Variants in RCSD1 observed in about 807,000 individuals in gnomAD.
The protein encoded by RCSD1 is capZ-interacting protein.
RCSD1 carries 26 observed loss-of-function variants against 42.5 expected under a neutral mutation model. That is an observed-to-expected ratio of 0.61 (90% CI 0.45 to 0.85). RCSD1 has a LOEUF of 0.85. RCSD1 is among the 40% of genes least tolerant of loss of function. The probability of loss-of-function intolerance (pLI) is 0.00; values close to 1 mark genes in which losing one functional copy is unlikely to be tolerated. For missense variants in RCSD1, 571 were observed against 528.3 expected (o/e 1.08, Z -0.79); for synonymous variants, 220 against 212.2 (o/e 1.04, Z -0.32).
At chr1:167,660,967 A>G (rs766086187) in intron 1 of RCSD1, among the ~76,000 whole-genome samples, 17 of 152,226 alleles carry the variant, frequency 1.1e-4, no homozygotes, top group Non-Finnish European at 2.4e-4. Context: ...CTGTAGGGAC[A>G]CTGAATCTTC....
At chr1:167,644,017 TC>T (rs930515990) in intron 1 of RCSD1, among the ~76,000 whole-genome samples, 2 of 152,052 alleles carry the variant, frequency 1.3e-5, no homozygotes, top group Non-Finnish European at 2.9e-5. Flanking sequence ...TCTCTGGGCT[TC>T]TGTAGGAGGC....
In RCSD1 at chr1:167,643,275, G is replaced by A. The variant is rs373593338; in HGVS notation, c.6+12846G>A. ...GTGTCTTCTGTAAGAAAGCACTGGC[G>A]CTCTCTGTGCCTAGTGGAAGGTGGC... On this transcript the variant is annotated intron_variant, in intron 1 of 6. Transcript: ENST00000367854. Among the ~76,000 whole-genome samples the A allele has an allele frequency of 3.9e-5, 6 of 152,176 alleles. No individual in the cohort carries two copies. The South Asian group carries it at 6.2e-4, about 16-fold the overall frequency.
At position 167,694,274 on chromosome 1, in the gene RCSD1, A is replaced by G. The variant is rs756043149; in HGVS notation, c.446A>G (p.Glu149Gly). Residue 149 changes from glutamate to glycine, a missense_variant, in exon 5 of 7, where the codon GAA becomes GGA. By Grantham distance (98) the Glu-to-Gly change is moderately conservative (BLOSUM62 -2). Coordinates refer to ENST00000367854, the MANE Select transcript of RCSD1 (RefSeq NM_052862.4). Reference sequence around the variant, plus strand: ...CCTGTCAGCTTCGACCAGCCCCCTGAAGGCAGTCATCTGCCCTGTTACAAC... The same window carrying G: ...CCTGTCAGCTTCGACCAGCCCCCTGGAGGCAGTCATCTGCCCTGTTACAAC... ...EVPVSFDQPP[E>G]GSHLPCYNKV... 1 of 1,614,128 alleles carries G rather than the reference A, an allele frequency of 6.2e-7. No homozygotes were observed. Among genetic ancestry groups the G allele is most frequent in the South Asian group, 1.1e-5 (1 of 91,084 alleles).
intron 6 of RCSD1, among the ~76,000 whole-genome samples, chr1:167,701,316 C>CTTTCTTT (rs1659639184): frequency 1.5e-5 from 2 of 130,866 alleles, no homozygotes; most frequent in African/African-American, 3.1e-5. Flanking sequence ...TTCTTTCTTT[C>CTTTCTTT]TTTTTTTTAG....
At position 167,685,424 on chromosome 1, in the gene RCSD1, C is replaced by A. The variant is rs1352414952; in HGVS notation, c.112C>A (p.Pro38Thr). 6.2e-7 allele frequency: 1 copy of A among 1,613,568 alleles called. No individual in the cohort carries two copies. Among genetic ancestry groups the A allele is most frequent in the Admixed American group, 1.7e-5 (1 of 59,954 alleles). ...REQAAAAKET[P>T]ASKPTRRKPP... The stretch of plus-strand genomic sequence containing the variant: ...CTGTCTGTCGCCCTCCCTCCAGACA[C>A]CAGCCAGTAAACCAACCCGAAGGAA... Residue 38 changes from proline to threonine, a missense_variant, in exon 3 of 7, where the codon CCA becomes ACA. Physicochemically the swap from Pro to Thr is conservative, Grantham distance 38. Coordinates refer to ENST00000367854, the MANE Select transcript of RCSD1 (RefSeq NM_052862.4).
chr1:167,679,143 A>T (rs1371376167), intron 1 of RCSD1, among the ~76,000 whole-genome samples: 1 of 152,252 alleles, frequency 6.6e-6, no homozygotes, highest in Non-Finnish European at 1.5e-5. Flanking sequence ...CAGTAAAGGC[A>T]TAGAGTTAGT....
intron 6 of RCSD1, among the ~76,000 whole-genome samples, chr1:167,703,076 G>A (rs1299706405): frequency 6.6e-6 from 1 of 152,096 alleles, no homozygotes; most frequent in African/African-American, 2.4e-5. Context: ...TCCTTCTCTT[G>A]AGAATCCCCT....
chr1:167,661,539 G>T (rs1219272759), intron 1 of RCSD1, among the ~76,000 whole-genome samples: 1 of 152,262 alleles, frequency 6.6e-6, no homozygotes, highest in Non-Finnish European at 1.5e-5. Flanking sequence ...TCCTCTCTGG[G>T]TGTAGTGGCT....
At chr1:167,655,553 C>A (rs1002952023) in intron 1 of RCSD1, among the ~76,000 whole-genome samples, 23 of 152,196 alleles carry the variant, frequency 1.5e-4, no homozygotes, top group African/African-American at 5.3e-4. Flanking sequence ...CCCAAACCCC[C>A]TCTGGGCAAG....
At chr1:167,659,569 T>G (rs1261658171) in intron 1 of RCSD1, among the ~76,000 whole-genome samples, 1 of 152,208 alleles carries the variant, frequency 6.6e-6, no homozygotes, top group Non-Finnish European at 1.5e-5. Context: ...TGCCATGAAC[T>G]GCAGAGCCAG....
intron 1 of RCSD1, among the ~76,000 whole-genome samples, chr1:167,655,785 A>C (rs1448864578): frequency 2.0e-5 from 3 of 152,108 alleles, no homozygotes; most frequent in Non-Finnish European, 4.4e-5. Context: ...TACATAAGAC[A>C]ACTCTCCCAT....
chr1:167,687,999 A>G (rs190672133), intron 3 of RCSD1, among the ~76,000 whole-genome samples: 2 of 152,366 alleles, frequency 1.3e-5, no homozygotes, highest in East Asian at 1.9e-4. Flanking sequence ...ATACAGCTAT[A>G]TATATACATA....
chr1:167,654,188 A>C (rs140998486), intron 1 of RCSD1, among the ~76,000 whole-genome samples: 2 of 152,324 alleles, frequency 1.3e-5, no homozygotes, highest in African/African-American at 4.8e-5. Flanking sequence ...TGTTTGGTGA[A>C]AGGGCCATGT....
intron 1 of RCSD1, among the ~76,000 whole-genome samples, chr1:167,638,710 C>T (rs1229400874): frequency 2.0e-5 from 3 of 152,228 alleles, no homozygotes; most frequent in African/African-American, 4.8e-5. Flanking sequence ...TTCTGAAAGG[C>T]CCCAGTTGTG....
chr1:167,634,660 A>T (rs757351428), intron 1 of RCSD1, among the ~76,000 whole-genome samples: 3 of 152,218 alleles, frequency 2.0e-5, no homozygotes, highest in Non-Finnish European at 2.9e-5. Context: ...AAAAAGTATA[A>T]TTTTCGCTGA....
intron 1 of RCSD1, among the ~76,000 whole-genome samples, chr1:167,669,669 T>C (rs1658754546): frequency 6.6e-6 from 1 of 152,218 alleles, no homozygotes; most frequent in African/African-American, 2.4e-5. Context: ...TTATTATCAT[T>C]GATTTCTTCT....
At chr1:167,672,358 A>G (rs1658830284) in intron 1 of RCSD1, among the ~76,000 whole-genome samples, 1 of 152,228 alleles carries the variant, frequency 6.6e-6, no homozygotes, top group African/African-American at 2.4e-5. Flanking sequence ...AATGTCCACC[A>G]ACTTAGTGGC....
Position 167,694,107 on chromosome 1 carries a change from A to T in RCSD1, c.279A>T (p.Leu93Phe). The change falls in exon 5 of 7, where the codon TTA becomes TTT. Residue 93 changes from leucine (L) to phenylalanine (F), a missense_variant. By Grantham distance (22) the Leu-to-Phe change is conservative. Coordinates refer to ENST00000367854, the MANE Select transcript of RCSD1 (RefSeq NM_052862.4). ...SPLIEKLQAN[L>F]TFDPAALLPG... ...TCATCTTTTCTTGACAGGCCAATTT[A>T]ACCTTTGACCCAGCTGCTCTACTGC... is the stretch of plus-strand genomic sequence containing the variant. 1 of 1,614,160 alleles carries T rather than the reference A, an allele frequency of 6.2e-7. No individual in the cohort carries two copies.
At chr1:167,681,175 C>G (rs994639200) in intron 1 of RCSD1, among the ~76,000 whole-genome samples, 1 of 152,222 alleles carries the variant, frequency 6.6e-6, no homozygotes, top group Non-Finnish European at 1.5e-5. Flanking sequence ...TTAGAGTTGC[C>G]AAGGCACTTT....
Sources: allele counts gnomAD v4.1 joint callset (sites outside exome capture counted in the v4.1 genomes callset), GRCh38; gene constraint gnomAD v4.1.1; transcripts MANE v1.5; gene names NCBI Gene and HGNC (gene_info 2026-07-23, HGNC 2026-07-21).